The following AGTPBP1 variants were observed in gnomAD, a reference collection of about 807,000 sequenced individuals.
AGTPBP1 encodes the protein ATP/GTP binding carboxypeptidase 1.
AGTPBP1 carries 70 observed loss-of-function variants against 143.9 expected under a neutral mutation model. The ratio of observed to expected loss-of-function variants is 0.49; its 90% CI spans 0.40 to 0.59. The LOEUF is 0.59. AGTPBP1 is among the 20% of genes least tolerant of loss of function. The pLI is 0.00. For missense variants in AGTPBP1, 1,229 were observed against 1,464.5 expected (o/e 0.84, Z 2.62); for synonymous variants, 463 against 500.2 (o/e 0.93, Z 0.99).
chr9:85,741,961 A>T (rs1017196000), upstream of AGTPBP1: 1 of 1,254,936 alleles, frequency 8.0e-7, no homozygotes, highest in Non-Finnish European at 1.0e-6. Context: ...ACCTGTCCGC[A>T]TCCCGGGCAA....
At chr9:85,709,739 T>C (rs1178338164) in intron 2 of AGTPBP1, among the ~76,000 whole-genome samples, 1 of 152,132 alleles carries the variant, frequency 6.6e-6, no homozygotes, top group East Asian at 1.9e-4. Context: ...CAGATTATAG[T>C]TGGAGAATGA....
intron 23 of AGTPBP1, 113 bp from the exon 24 acceptor site, chr9:85,579,209 T>C: frequency 9.6e-7 from 1 of 1,041,728 alleles, no homozygotes; most frequent in Non-Finnish European, 1.4e-6. Flanking sequence ...GCCATGTGGA[T>C]GTTCTATTAT....
At chr9:85,550,851 T>C (rs1188548785) in intron 25 of AGTPBP1, among the ~76,000 whole-genome samples, 2 of 152,196 alleles carry the variant, frequency 1.3e-5, no homozygotes, top group African/African-American at 4.8e-5. Context: ...ACTGCAAGCC[T>C]TCACCAGCAC....
intron 14 of AGTPBP1, among the ~76,000 whole-genome samples, chr9:85,626,278 T>G (rs1206075675): frequency 6.6e-6 from 1 of 152,206 alleles, no homozygotes; most frequent in African/African-American, 2.4e-5. Context: ...CATTTTATAC[T>G]GAACTTTCTT....
chr9:85,716,158 C>T (rs1185075213), intron 1 of AGTPBP1, among the ~76,000 whole-genome samples: 3 of 152,336 alleles, frequency 2.0e-5, no homozygotes, highest in Non-Finnish European at 4.4e-5. Context: ...TAATGATCCC[C>T]ATGTTACTAA....
intron 17 of AGTPBP1, among the ~76,000 whole-genome samples, chr9:85,616,872 C>T (rs1830630819): frequency 1.3e-5 from 2 of 151,986 alleles, no homozygotes; most frequent in South Asian, 4.1e-4. Flanking sequence ...AAGAATATTC[C>T]TATCACTATT....
rs143781517 is a variant in AGTPBP1, at chr9:85,556,523, C to T, written c.3504-9237G>A. Among the ~76,000 whole-genome samples, 933 of 152,042 alleles carry T rather than the reference C, an allele frequency of 6.1e-3. 9 individuals carry two copies. The highest frequency in any genetic ancestry group is 0.02 in the African/African-American group (844 of 41,468). On this transcript the variant is annotated intron_variant, in intron 25 of 25. Coordinates refer to ENST00000357081, the MANE Select transcript of AGTPBP1 (RefSeq NM_001330701.2). ...TTAAATGGAAATGGAGTAAATACTC[C>T]AATTAAAAGACAAAGATGACTAACT... is the stretch of plus-strand genomic sequence containing the variant.
In AGTPBP1 at chr9:85,692,701, C is replaced by A; in HGVS notation, c.145G>T (p.Ala49Ser). ...GATCAATGTTTACCTTGACTCTGAG[C>A]CAGATGAAGAATTTTTGATGTAACA... ...RYVTSKILHL[A>S]QSQEKTRREM... The change falls in exon 3 of 26, where the codon GCT (alanine) becomes TCT (serine). Residue 49 changes from alanine to serine, a missense_variant. This residue lies in a region of AGTPBP1 where 743 missense variants were observed against 812.2 expected (regional missense o/e 0.91). Transcript: ENST00000357081. 1 of 1,613,704 alleles carries A rather than the reference C, an allele frequency of 6.2e-7. No individual in the cohort carries two copies.
intron 25 of AGTPBP1, among the ~76,000 whole-genome samples, chr9:85,573,806 G>C (rs891892882): frequency 4.5e-4 from 68 of 151,472 alleles, no homozygotes; most frequent in African/African-American, 1.6e-3. Flanking sequence ...ACCCCGTCTG[G>C]GAGGTGAGGA....
intron 25 of AGTPBP1, among the ~76,000 whole-genome samples, chr9:85,570,195 G>A (rs1424896279): frequency 6.6e-6 from 1 of 152,216 alleles, no homozygotes; most frequent in African/African-American, 2.4e-5. Context: ...AATGACTCAT[G>A]TCCCAGGTGG....
rs529742922 is a variant in AGTPBP1, at chr9:85,547,224, G to A, written c.3566C>T (p.Ala1189Val). The change falls in exon 26 of 26, where the codon GCA becomes GTA. Residue 1189 changes from alanine to valine, a missense_variant. This residue lies in a region of AGTPBP1 where 486 missense variants were observed against 652.3 expected (regional missense o/e 0.75). Coordinates refer to ENST00000357081, the MANE Select transcript of AGTPBP1 (RefSeq NM_001330701.2). Reference protein sequence around the residue: ...PRFLEEVDYSAESNDELDIEL... With the variant: ...PRFLEEVDYSVESNDELDIEL... ...AATATCTAACTCATCATTACTTTCTGCACTGTAATCAACTTCTTCAAGGAA... is the reference window on the plus strand; with the variant it reads ...AATATCTAACTCATCATTACTTTCTACACTGTAATCAACTTCTTCAAGGAA... The A allele has an allele frequency of 3.7e-6, 6 of 1,613,390 alleles. No homozygotes were observed. The Admixed American group carries it at 5.0e-5, about 13-fold the overall frequency.
At chr9:85,652,770 C>T (rs923238670) in intron 11 of AGTPBP1, among the ~76,000 whole-genome samples, 7 of 152,132 alleles carry the variant, frequency 4.6e-5, no homozygotes, top group African/African-American at 1.7e-4. Context: ...TGGAAACCCC[C>T]ACCCCCATCA....
chr9:85,657,500 T>C lies in AGTPBP1; in HGVS notation c.844A>G (p.Ile282Val). The part of the protein sequence containing the change: ...ILQSLKSVTN[I>V]KLGRKAFIDA... ...ATAAATGCTTTTCTTCCCAACTTGA[T>C]GTTTGTAACACTTTTTAAACTCTGT... The change falls in exon 10 of 26, where the codon ATC becomes GTC. Residue 282 changes from isoleucine (I) to valine (V), a missense_variant. Around this residue, in one of 2 missense-constraint regions of AGTPBP1, gnomAD observed 743 missense variants for 812.2 expected, o/e 0.91. Coordinates refer to ENST00000357081, the MANE Select transcript of AGTPBP1 (RefSeq NM_001330701.2). 1.9e-6 allele frequency: 3 copies of C among 1,613,960 alleles called. No homozygotes were observed. Among genetic ancestry groups the C allele is most frequent in the Non-Finnish European group, 2.5e-6 (3 of 1,179,922 alleles).
At chr9:85,791,565 G>A in the AGTPBP1 span, 1 of 152,020 alleles carries the variant, frequency 6.6e-6, no homozygotes, top group African/African-American at 2.4e-5. Flanking sequence ...AGGGGGGAAA[G>A]AGGTTTATTT....
At chr9:85,619,374 T>A in intron 15 of AGTPBP1, 73 bp from the exon 16 acceptor site, 1 of 1,108,640 alleles carries the variant, frequency 9.0e-7, no homozygotes, top group Non-Finnish European at 1.3e-6. Flanking sequence ...GTAAATAAAA[T>A]TATAATTAAA....
At chr9:85,668,973 G>A (rs745429664) in intron 8 of AGTPBP1, among the ~76,000 whole-genome samples, 17,767 of 69,000 alleles carry the variant, frequency 0.26, 1,603 homozygotes, top group South Asian at 0.33. Flanking sequence ...ATACATGTGT[G>A]TGTGTGTGTG....
chr9:85,568,997 TA>T (rs1827285280), intron 25 of AGTPBP1, among the ~76,000 whole-genome samples: 1 of 151,976 alleles, frequency 6.6e-6, no homozygotes, highest in Non-Finnish European at 1.5e-5. Context: ...AACATACAGA[TA>T]GAATGTAAAC....
the AGTPBP1 span, among the ~76,000 whole-genome samples, chr9:85,790,361 T>G: frequency 1.3e-5 from 2 of 152,224 alleles, no homozygotes; most frequent in Non-Finnish European, 2.9e-5. Flanking sequence ...TTGTTGTTTT[T>G]AAATTATCTG....
At chr9:85,697,936 TAA>T (rs2134330290) in intron 2 of AGTPBP1, among the ~76,000 whole-genome samples, 1 of 152,326 alleles carries the variant, frequency 6.6e-6, no homozygotes, top group Non-Finnish European at 1.5e-5. Context: ...AAATGATATA[TAA>T]GTCACCACAA....
Sources: gnomAD v4.1 joint callset for allele counts (sites outside exome capture counted in the v4.1 genomes callset) on GRCh38, gnomAD v4.1.1 for gene constraint, gnomAD v4.1.1 regional missense constraint, MANE v1.5 for transcripts, NCBI Gene and HGNC (gene_info 2026-07-23, HGNC 2026-07-21) for gene names.